Variants in ZNF431 observed in about 807,000 individuals in gnomAD.
The protein encoded by ZNF431 is zinc finger protein 431.
Under a neutral mutation model 57.0 loss-of-function variants are expected in ZNF431, and 34 were observed. The ratio of observed to expected loss-of-function variants is 0.60; its 90% CI spans 0.45 to 0.79. ZNF431 has a LOEUF of 0.79. ZNF431 is among the 30% of genes least tolerant of loss of function. ZNF431 has a pLI of 0.00. For synonymous variants in ZNF431, 207 were observed against 220.3 expected (o/e 0.94, Z 0.54); for missense variants, 607 against 667.1 (o/e 0.91, Z 0.99).
At chr19:21,158,904 T>G (rs893350396) in intron 2 of ZNF431, among the ~76,000 whole-genome samples, 3 of 152,208 alleles carry the variant, frequency 2.0e-5, no homozygotes, top group African/African-American at 7.2e-5. Context: ...GTGCCAGTTT[T>G]CAAGGAGGAA....
chr19:21,195,094 T>TA lies in ZNF431; in HGVS notation c.*11063dup, dbSNP rs1356835086. 3 of 152,024 alleles carry TA rather than the reference T, an allele frequency of 2.0e-5. No homozygotes were observed. The East Asian group carries it at 5.8e-4, about 29-fold the overall frequency. The allele number at this position is 152,024 out of a possible 1,614,324, so 9.4% of individuals were successfully genotyped here. ...TGAGAGCTGCCTGACAAAAAGCGTGTAAACAACAGTGATTGCTCCTGTGGC... is the reference window on the plus strand; with the variant it reads ...TGAGAGCTGCCTGACAAAAAGCGTGTAAAACAACAGTGATTGCTCCTGTGGC... On this transcript the variant is annotated 3_prime_UTR_variant, in exon 5 of 5. Coordinates refer to ENST00000311048, the MANE Select transcript of ZNF431 (RefSeq NM_133473.4).
chr19:21,154,120 C>G (rs1280341582), intron 2 of ZNF431, among the ~76,000 whole-genome samples: 3 of 152,106 alleles, frequency 2.0e-5, no homozygotes, highest in South Asian at 4.1e-4. Context: ...TGTGCTGCAC[C>G]CATTAACTCG....
intron 2 of ZNF431, among the ~76,000 whole-genome samples, chr19:21,164,593 C>G (rs1209587940): frequency 6.6e-6 from 1 of 151,986 alleles, no homozygotes; most frequent in African/African-American, 2.4e-5. Context: ...TGTTACTTGT[C>G]CAGAGAATTT....
rs143425951 is a variant in ZNF431 at position 21,181,369 on chromosome 19, C to T, written c.320-1254C>T. Among the ~76,000 whole-genome samples the T allele has an allele frequency of 9.2e-5, 14 of 152,106 alleles. No homozygotes were observed. In the East Asian group the frequency reaches 1.5e-3, roughly 17 times the overall value. On this transcript the variant is annotated intron_variant, in intron 4 of 4. Transcript: ENST00000311048. ...ACAGATATGCTGATGGTATTATTCT[C>T]ACTTTATAGCTATTTTTTTCAGGAC...
chr19:21,156,296 A>G (rs903471321), intron 2 of ZNF431, among the ~76,000 whole-genome samples: 2 of 152,136 alleles, frequency 1.3e-5, no homozygotes, highest in African/African-American at 4.8e-5. Flanking sequence ...GTCCAGCCCC[A>G]CCTGGGCCAC....
rs1970505545 is a variant in ZNF431, at chr19:21,159,183, A to G, written c.97-7152A>G. Among the ~76,000 whole-genome samples, 4 of 152,136 alleles carry G rather than the reference A, an allele frequency of 2.6e-5. No individual in the cohort carries two copies. In the South Asian group the frequency reaches 8.3e-4, roughly 32 times the overall value. ...GATACAGCCTACTTGATCACACTGG[A>G]TTAACTTGATGTTCTCCTGGATTTG... On this transcript the variant is annotated intron_variant, in intron 2 of 4. Transcript: ENST00000311048.
chr19:21,146,839 A>G (rs1599573314), intron 2 of ZNF431, among the ~76,000 whole-genome samples: 1 of 152,258 alleles, frequency 6.6e-6, no homozygotes, highest in Non-Finnish European at 1.5e-5. Flanking sequence ...CCCAGCCCCT[A>G]TTCAAAATAG....
chr19:21,146,424 A>G (rs2144922330), intron 2 of ZNF431, among the ~76,000 whole-genome samples: 1 of 151,664 alleles, frequency 6.6e-6, no homozygotes, highest in South Asian at 2.1e-4. Context: ...AAAAAAAAAA[A>G]AAAGAAGAAG....
chr19:21,191,793 G>A lies in ZNF431; in HGVS notation c.*7759G>A, dbSNP rs1419784456. 3 of 152,084 alleles carry A rather than the reference G, an allele frequency of 2.0e-5. No homozygotes were observed. The highest frequency in any genetic ancestry group is 1.9e-4 in the East Asian group (1 of 5,196). The allele number at this position is 152,084 out of a possible 1,614,324, so 9.4% of individuals were successfully genotyped here. On this transcript the variant is annotated 3_prime_UTR_variant, in exon 5 of 5. Coordinates refer to ENST00000311048, the MANE Select transcript of ZNF431 (RefSeq NM_133473.4). Reference sequence around the variant, plus strand: ...CTGTTGGTTACCATAGCTATGTAGTGTATTTCAAAGTTAGTCACTTCTTTT... The same window carrying A: ...CTGTTGGTTACCATAGCTATGTAGTATATTTCAAAGTTAGTCACTTCTTTT...
At position 21,191,925 on chromosome 19, in the gene ZNF431, C is replaced by G. The variant is rs939303022; in HGVS notation, c.*7891C>G. ...ATATCACGTATTTCGATAGAGGTTGCATTATACCTGTAGGTCATTTTGTGT... is the reference window on the plus strand; with the variant it reads ...ATATCACGTATTTCGATAGAGGTTGGATTATACCTGTAGGTCATTTTGTGT... On this transcript the variant is annotated 3_prime_UTR_variant, in exon 5 of 5. Transcript: ENST00000311048. 6 of 152,136 alleles carry G rather than the reference C, an allele frequency of 3.9e-5. No homozygotes were observed. Among genetic ancestry groups the G allele is most frequent in the African/African-American group, 1.2e-4 (5 of 41,412 alleles). The allele number at this position is 152,136 out of a possible 1,614,324, so 9.4% of individuals were successfully genotyped here. A position where few individuals can be genotyped will look rare whatever the true frequency, so the allele number is the denominator to read the frequency against.
At position 21,187,549 on chromosome 19, in the gene ZNF431, CCAA is replaced by C. The variant is rs1241206095; in HGVS notation, c.*3518_*3520del. The C allele has an allele frequency of 1.3e-5, 2 of 151,038 alleles. No individual in the cohort carries two copies. Among genetic ancestry groups the C allele is most frequent in the Non-Finnish European group, 2.9e-5 (2 of 67,940 alleles). 9.4% of individuals were successfully genotyped at this position (151,038 alleles called of 1,614,324 possible). A position where few individuals can be genotyped will look rare whatever the true frequency, so the allele number is the denominator to read the frequency against. On this transcript the variant is annotated 3_prime_UTR_variant, in exon 5 of 5. Transcript: ENST00000311048. Reference sequence around the variant, plus strand: ...AGGTCGGGAGTTTGAGACCAGGTGACCAACATGGAGAAACTCCATCTCTACTAA... The same window carrying C: ...AGGTCGGGAGTTTGAGACCAGGTGACCATGGAGAAACTCCATCTCTACTAA...
intron 2 of ZNF431, among the ~76,000 whole-genome samples, chr19:21,144,146 T>A (rs1380398852): frequency 1.3e-5 from 2 of 152,176 alleles, no homozygotes; most frequent in Admixed American, 1.3e-4. Flanking sequence ...GTTTACTTAT[T>A]TTGACCTCAC....
Position 21,186,395 on chromosome 19 carries a change from T to C in ZNF431, c.*2361T>C, listed in dbSNP as rs1172625020. The C allele has an allele frequency of 6.6e-6, 1 of 152,212 alleles. No homozygotes were observed. Among genetic ancestry groups the C allele is most frequent in the Non-Finnish European group, 1.5e-5 (1 of 68,038 alleles). The allele number at this position is 152,212 out of a possible 1,614,324, so 9.4% of individuals were successfully genotyped here. A position where few individuals can be genotyped will look rare whatever the true frequency, so the allele number is the denominator to read the frequency against. Reference sequence around the variant, plus strand: ...TTTGATTCATATAGAGTTAAATACATGTTAGTCTAAAGACAAATCTTAGGT... The same window carrying C: ...TTTGATTCATATAGAGTTAAATACACGTTAGTCTAAAGACAAATCTTAGGT... On this transcript the variant is annotated 3_prime_UTR_variant, in exon 5 of 5. Transcript: ENST00000311048.
At position 21,171,245 on chromosome 19, in the gene ZNF431, C is replaced by T. The variant is rs1316111464; in HGVS notation, c.319+3579C>T. Among the ~76,000 whole-genome samples the T allele has an allele frequency of 2.0e-5, 3 of 152,206 alleles. No individual in the cohort carries two copies. The South Asian group carries it at 6.2e-4, about 32-fold the overall frequency. On this transcript the variant is annotated intron_variant, in intron 4 of 4. Coordinates refer to ENST00000311048, the MANE Select transcript of ZNF431 (RefSeq NM_133473.4). ...TGCCATACAGTGCATGCCAATGATT[C>T]AAAATACCTGCCTTCCCTGAGTACA...
At position 21,183,213 on chromosome 19, in the gene ZNF431, A is replaced by G; in HGVS notation, c.910A>G (p.Thr304Ala). ...AGCCTTCAACCGGTCCTCACACCTT[A>G]CTACACATAAGATAATTCATACTGG... ...GKAFNRSSHL[T>A]THKIIHTGEK... The change falls in exon 5 of 5, where the codon ACT becomes GCT. Residue 304 changes from threonine (T) to alanine (A), a missense_variant. By Grantham distance (58) the Thr-to-Ala change is moderately conservative. Coordinates refer to ENST00000311048, the MANE Select transcript of ZNF431 (RefSeq NM_133473.4). 1 of 1,614,064 alleles carries G rather than the reference A, an allele frequency of 6.2e-7. No individual in the cohort carries two copies. Among genetic ancestry groups the G allele is most frequent in the Non-Finnish European group, 8.5e-7 (1 of 1,179,956 alleles).
intron 2 of ZNF431, among the ~76,000 whole-genome samples, chr19:21,145,940 G>T (rs1970078265): frequency 6.6e-6 from 1 of 152,054 alleles, no homozygotes; most frequent in African/African-American, 2.4e-5. Context: ...TCTTAGACGA[G>T]ACATAAAATA....
intron 4 of ZNF431, 43 bp from the exon 5 acceptor site, chr19:21,182,580 G>A (rs763349404): frequency 1.3e-6 from 2 of 1,534,680 alleles, no homozygotes; most frequent in Non-Finnish European, 1.7e-6. Context: ...ATGTTTATCA[G>A]AGTCTAGTAA....
At chr19:21,145,746 G>A (rs940747484) in intron 2 of ZNF431, among the ~76,000 whole-genome samples, 3 of 152,212 alleles carry the variant, frequency 2.0e-5, no homozygotes, top group Admixed American at 6.5e-5. Context: ...TTCCGAAAGA[G>A]TATTGCAACA....
intron 4 of ZNF431, 145 bp downstream of exon 4, chr19:21,167,811 T>C (rs948466249): frequency 5.0e-5 from 21 of 423,970 alleles, no homozygotes; most frequent in Non-Finnish European, 7.7e-5. Context: ...TTTCTTAAAA[T>C]TTTTTCTTAC....
Sources: allele counts gnomAD v4.1 joint callset (sites outside exome capture counted in the v4.1 genomes callset), GRCh38; gene constraint gnomAD v4.1.1; transcripts MANE v1.5; gene names NCBI Gene and HGNC (gene_info 2026-07-23, HGNC 2026-07-21).